The following ADAMTS8 variants were observed in gnomAD, a reference collection of about 807,000 sequenced individuals.
ADAMTS8 encodes A disintegrin and metalloproteinase with thrombospondin motifs 8.
In ADAMTS8, 50 loss-of-function variants were observed where a neutral mutation model predicts 64.4. That is an observed-to-expected ratio of 0.78 (90% CI 0.62 to 0.98). The LOEUF (loss-of-function observed/expected upper bound fraction) is 0.98. ADAMTS8 is among the 50% of genes least tolerant of loss of function. The pLI is 0.00. For missense variants in ADAMTS8, 1,192 were observed against 1,208.2 expected, an observed-to-expected ratio of 0.99 and a Z score of 0.20; for synonymous variants, 556 against 533.6, an observed-to-expected ratio of 1.04 and a Z score of -0.58.
At chr11:130,415,977 C>A (rs999268686) in intron 4 of ADAMTS8, among the ~76,000 whole-genome samples, 186 bp downstream of exon 4, 2 of 152,232 alleles carry the variant, frequency 1.3e-5, no homozygotes, top group Non-Finnish European at 2.9e-5. Context: ...GCGCAGAACT[C>A]GGCTGCTGGA....
chr11:130,406,150 A>T, intron 8 of ADAMTS8, 22 bp from the exon 9 acceptor site: 2 of 1,584,552 alleles, frequency 1.3e-6, no homozygotes, highest in Non-Finnish European at 1.7e-6. Context: ...ACAGAAGGAC[A>T]CCCTTAGACC....
In ADAMTS8 at chr11:130,428,373, GCT is replaced by G. The variant is rs1862212653; in HGVS notation, c.-89_-88del. 3.3e-6 allele frequency: 4 copies of G among 1,209,360 alleles called. No homozygotes were observed. Among genetic ancestry groups the G allele is most frequent in the Middle Eastern group, 3.3e-4 (1 of 2,994 alleles). The allele number at this position is 1,209,360 out of a possible 1,614,324, so 74.9% of individuals were successfully genotyped here. A position where few individuals can be genotyped will look rare whatever the true frequency, so the allele number is the denominator to read the frequency against. ...CTGGCGGCCCGAGCGCGGCCCGGCC[GCT>G]CTCTCCAGGAAAAGCGGAATCAATC... On this transcript the variant is annotated 5_prime_UTR_variant, in exon 1 of 9. Coordinates refer to ENST00000257359, the MANE Select transcript of ADAMTS8 (RefSeq NM_007037.6).
rs1044694895 is a variant in ADAMTS8 at position 130,410,335 on chromosome 11, C to CA, written c.1750+1081dup. Among the ~76,000 whole-genome samples, 3 of 152,258 alleles carry CA rather than the reference C, an allele frequency of 2.0e-5. No homozygotes were observed. The East Asian group carries it at 5.8e-4, about 29-fold the overall frequency. On this transcript the variant is annotated intron_variant, in intron 6 of 8. Transcript: ENST00000257359. ...ATACATTTTTATAGTTCTAGACACA[C>CA]AAAAAATACTAAAAAATACTCGACA...
At chr11:130,427,004 C>A (rs545914271) in intron 1 of ADAMTS8, among the ~76,000 whole-genome samples, 1 of 152,368 alleles carries the variant, frequency 6.6e-6, no homozygotes, top group East Asian at 1.9e-4. Flanking sequence ...AACCAGCTGG[C>A]TGCACAGAAG....
At position 130,428,403 on chromosome 11, in the gene ADAMTS8, G is replaced by A. The variant is rs2134697647; in HGVS notation, c.-117C>T. 3 of 1,130,078 alleles carry A rather than the reference G, an allele frequency of 2.7e-6. No homozygotes were observed. The highest frequency in any genetic ancestry group is 3.3e-6 in the Non-Finnish European group (3 of 919,468). 70.0% of individuals were successfully genotyped at this position (1,130,078 alleles called of 1,614,324 possible). On this transcript the variant is annotated 5_prime_UTR_variant, in exon 1 of 9. Coordinates refer to ENST00000257359, the MANE Select transcript of ADAMTS8 (RefSeq NM_007037.6). ...CTCCAGGAAAAGCGGAATCAATCGGGTGCAAGGCCGACTCGGCCCGCGGGG... is the reference window on the plus strand; with the variant it reads ...CTCCAGGAAAAGCGGAATCAATCGGATGCAAGGCCGACTCGGCCCGCGGGG...
intron 4 of ADAMTS8, among the ~76,000 whole-genome samples, 191 bp downstream of exon 4, chr11:130,415,972 G>T (rs11222089): frequency 1.3e-5 from 2 of 152,198 alleles, no homozygotes; most frequent in Admixed American, 1.3e-4. Flanking sequence ...AATTAGCGCA[G>T]AACTCGGCTG....
chr11:130,418,910 A>C (rs76678253), intron 2 of ADAMTS8, 143 bp downstream of exon 2: 2 of 1,023,972 alleles, frequency 2.0e-6, no homozygotes, highest in South Asian at 1.5e-5. Flanking sequence ...TGACCTCCTC[A>C]TCATTCTGGG....
chr11:130,411,545 G>T lies in ADAMTS8; in HGVS notation c.1622C>A (p.Thr541Asn), dbSNP rs779574871. The T allele has an allele frequency of 1.2e-6, 2 of 1,614,086 alleles. No individual in the cohort carries two copies. The highest frequency in any genetic ancestry group is 2.2e-5 in the South Asian group (2 of 91,074). The change falls in exon 6 of 9, where the codon ACC becomes AAC. Residue 541 changes from threonine (T) to asparagine (N), a missense_variant. By Grantham distance (65) the Thr-to-Asn change is moderately conservative. Transcript: ENST00000257359. This position sits in a 1 kb window ranked among gnomAD's most constrained non-coding sequence, Gnocchi z 4.2. The stretch of plus-strand genomic sequence containing the variant: ...TGAAAACTGTACTCCTCCTCCACAG[G>T]TCCGAGAACATTCTCCCCAGGGTCC... ...PWGPWGECSR[T>N]CGGGVQFSHR...
intron 1 of ADAMTS8, among the ~76,000 whole-genome samples, chr11:130,426,458 G>T (rs962185178): frequency 6.6e-6 from 1 of 152,238 alleles, no homozygotes; most frequent in African/African-American, 2.4e-5. Context: ...CTTAGCTGCT[G>T]CATTGCCAGG....
rs552872523 is a variant in ADAMTS8 at position 130,419,033 on chromosome 11, T to C, written c.960+20A>G. 1.9e-5 allele frequency: 31 copies of C among 1,613,688 alleles called. No individual in the cohort carries two copies. In the South Asian group the frequency reaches 3.1e-4, roughly 16 times the overall value. The stretch of plus-strand genomic sequence containing the variant: ...TCCTGTCTCCCTTCCTCCCCAGGGC[T>C]TCCGGAGCCAGGCACGGACCTGTCT... On this transcript the variant is annotated intron_variant, in intron 2 of 8. Transcript: ENST00000257359.
At position 130,405,283 on chromosome 11, in the gene ADAMTS8, A is replaced by G. The variant is rs958920233; in HGVS notation, c.*275T>C. The G allele has an allele frequency of 9.7e-6, 12 of 1,239,966 alleles. No homozygotes were observed. The African/African-American group carries it at 1.5e-4, about 16-fold the overall frequency. 76.8% of individuals were successfully genotyped at this position (1,239,966 alleles called of 1,614,324 possible). A position where few individuals can be genotyped will look rare whatever the true frequency, so the allele number is the denominator to read the frequency against. Reference sequence around the variant, plus strand: ...GACGCTGAGTGTCCTGTCTGAGTCAATAAGTGCACTTTTACCTTTTAACCT... The same window carrying G: ...GACGCTGAGTGTCCTGTCTGAGTCAGTAAGTGCACTTTTACCTTTTAACCT... On this transcript the variant is annotated 3_prime_UTR_variant, in exon 9 of 9. Coordinates refer to ENST00000257359, the MANE Select transcript of ADAMTS8 (RefSeq NM_007037.6).
At position 130,416,304 on chromosome 11, in the gene ADAMTS8, C is replaced by T. The variant is rs751787115; in HGVS notation, c.1123G>A (p.Asp375Asn). 34 of 1,570,894 alleles carry T rather than the reference C, an allele frequency of 2.2e-5. No homozygotes were observed. Among genetic ancestry groups the T allele is most frequent in the East Asian group, 1.4e-4 (6 of 42,772 alleles). ...AAGAGCCGTGTGCAGGGCTTGGAGT[C>T]GTCGTGGGGCATGCTGAGGACGTGC... ...LGHVLSMPHD[D>N]SKPCTRLFGP... The change falls in exon 4 of 9, where the codon GAC becomes AAC. Residue 375 changes from aspartate to asparagine, a missense_variant. Asp to Asn is a conservative substitution (Grantham distance 23). Coordinates refer to ENST00000257359, the MANE Select transcript of ADAMTS8 (RefSeq NM_007037.6). The surrounding 1 kb of genome is among the most constrained non-coding windows in gnomAD (Gnocchi z 4.8).
At chr11:130,412,816 T>C (rs1861969696) in intron 5 of ADAMTS8, among the ~76,000 whole-genome samples, 1 of 152,206 alleles carries the variant, frequency 6.6e-6, no homozygotes, top group South Asian at 2.1e-4. Flanking sequence ...TATGATTCTA[T>C]GTATATATTC....
rs1028878283 is a variant in ADAMTS8 at position 130,416,060 on chromosome 11, C to T, written c.1264+103G>A. Reference sequence around the variant, plus strand: ...CGTGGGAGGCTGGCCGGGGACTCAGCTCTAAGGGCCCTGTGAGGAGGCACA... The same window carrying T: ...CGTGGGAGGCTGGCCGGGGACTCAGTTCTAAGGGCCCTGTGAGGAGGCACA... On this transcript the variant is annotated intron_variant, in intron 4 of 8. Transcript: ENST00000257359. The surrounding 1 kb of genome is among the most constrained non-coding windows in gnomAD (Gnocchi z 4.8). The T allele has an allele frequency of 2.9e-6, 4 of 1,371,068 alleles. No individual in the cohort carries two copies. Among genetic ancestry groups the T allele is most frequent in the African/African-American group, 2.9e-5 (2 of 68,842 alleles). 84.9% of individuals were successfully genotyped at this position (1,371,068 alleles called of 1,614,324 possible). A position where few individuals can be genotyped will look rare whatever the true frequency, so the allele number is the denominator to read the frequency against.
At position 130,427,437 on chromosome 11, in the gene ADAMTS8, A is replaced by G. The variant is rs1862181737; in HGVS notation, c.720+130T>C. ...CTCGTTTGGGGTAAGGCTGGAGAAG[A>G]TGAGTGGGGAGGGCTTTTTTTTTTT... On this transcript the variant is annotated intron_variant, in intron 1 of 8. Transcript: ENST00000257359. The G allele has an allele frequency of 2.8e-5, 31 of 1,102,112 alleles. 1 individual carries two copies. In the South Asian group the frequency reaches 5.3e-4, roughly 19 times the overall value. The allele number at this position is 1,102,112 out of a possible 1,614,324, so 68.3% of individuals were successfully genotyped here.
At chr11:130,419,703 A>G (rs945472981) in intron 1 of ADAMTS8, among the ~76,000 whole-genome samples, 13 of 152,236 alleles carry the variant, frequency 8.5e-5, no homozygotes, top group African/African-American at 3.1e-4. Flanking sequence ...GTGCAGATAC[A>G]AAGTTCTACT....
In ADAMTS8 at chr11:130,416,943, G is replaced by C; in HGVS notation, c.1093C>G (p.Leu365Val). The C allele has an allele frequency of 6.2e-7, 1 of 1,614,102 alleles. No individual in the cohort carries two copies. The highest frequency in any genetic ancestry group is 8.5e-7 in the Non-Finnish European group (1 of 1,180,020). ...GCTTTGGCACAGCAAATCTTACCTA[G>C]TTCATGGGCCAGGGTGTGGGCCGCC... ...LQAAHTLAHE[L>V]GHVLSMPHDD... is the part of the protein sequence containing the mutation. Residue 365 changes from leucine to valine, a missense_variant, in exon 3 of 9, where the codon CTA (leucine) becomes GTA (valine). Around this residue, in one of 5 missense-constraint regions of ADAMTS8, gnomAD observed 741 missense variants for 710.6 expected, o/e 1.04. Transcript: ENST00000257359. This position sits in a 1 kb window ranked among gnomAD's most constrained non-coding sequence, Gnocchi z 4.8.
intron 6 of ADAMTS8, among the ~76,000 whole-genome samples, chr11:130,410,345 TA>T (rs1282034775): frequency 1.3e-5 from 2 of 152,184 alleles, no homozygotes; most frequent in Non-Finnish European, 2.9e-5. Context: ...CAAAAAATAC[TA>T]AAAAATACTC....
rs541218845 is a variant in ADAMTS8 at position 130,428,398 on chromosome 11, A to G, written c.-112T>C. ...GCTCTCTCCAGGAAAAGCGGAATCAATCGGGTGCAAGGCCGACTCGGCCCG... is the reference window on the plus strand; with the variant it reads ...GCTCTCTCCAGGAAAAGCGGAATCAGTCGGGTGCAAGGCCGACTCGGCCCG... On this transcript the variant is annotated 5_prime_UTR_variant, in exon 1 of 9. Transcript: ENST00000257359. 234 of 1,152,996 alleles carry G rather than the reference A, an allele frequency of 2.0e-4. No homozygotes were observed. In the African/African-American group the frequency reaches 3.7e-3, roughly 18 times the overall value. 71.4% of individuals were successfully genotyped at this position (1,152,996 alleles called of 1,614,324 possible).
Sources: allele counts gnomAD v4.1 joint callset (sites outside exome capture counted in the v4.1 genomes callset), GRCh38; gene constraint gnomAD v4.1.1; regional missense constraint gnomAD v4.1.1; non-coding constraint Gnocchi (gnomAD v3.1); transcripts MANE v1.5; gene names NCBI Gene and HGNC (gene_info 2026-07-23, HGNC 2026-07-21).